Variants in IMMP1L observed in about 807,000 individuals in gnomAD.
The protein encoded by IMMP1L is inner mitochondrial membrane peptidase subunit 1, also known as mitochondrial inner membrane protease subunit 1.
Under a neutral mutation model 21.8 loss-of-function variants are expected in IMMP1L, and 24 were observed. The observed-to-expected ratio is 1.10, with a 90% CI of 0.80 to 1.55. The LOEUF is 1.55. Ranked by LOEUF, IMMP1L falls within the 40% of genes most tolerant of loss-of-function variation. IMMP1L has a pLI of 0.00. For synonymous variants in IMMP1L, 46 were observed against 62.8 expected, an observed-to-expected ratio of 0.73 and a Z score of 1.26; for missense variants, 195 against 200.7, an observed-to-expected ratio of 0.97 and a Z score of 0.17.
At chr11:31,479,831 T>G (rs1467401336) in intron 1 of IMMP1L, among the ~76,000 whole-genome samples, 1 of 152,070 alleles carries the variant, frequency 6.6e-6, no homozygotes, top group Non-Finnish European at 1.5e-5. Flanking sequence ...ATAAAAATAC[T>G]GAAGCAGAGG....
chr11:31,483,865 T>C (rs953662009), intron 1 of IMMP1L, among the ~76,000 whole-genome samples: 1 of 151,910 alleles, frequency 6.6e-6, no homozygotes, highest in Admixed American at 6.6e-5. Context: ...TTCATGATAA[T>C]CTGATAATAA....
intron 4 of IMMP1L, among the ~76,000 whole-genome samples, chr11:31,450,318 T>C (rs1953702537): frequency 1.3e-5 from 2 of 152,162 alleles, no homozygotes; most frequent in African/African-American, 2.4e-5. Flanking sequence ...AAAACCACCA[T>C]AGCATTTCAG....
chr11:31,468,365 A>G (rs1053001367), intron 1 of IMMP1L, among the ~76,000 whole-genome samples: 2 of 152,192 alleles, frequency 1.3e-5, no homozygotes, highest in African/African-American at 4.8e-5. Flanking sequence ...ATAATCATGG[A>G]TACAGAGAGA....
At chr11:31,502,357 G>A (rs1393524039) in intron 1 of IMMP1L, among the ~76,000 whole-genome samples, 1 of 152,094 alleles carries the variant, frequency 6.6e-6, no homozygotes, top group African/African-American at 2.4e-5. Context: ...TGTTTGCTAG[G>A]ATATCCAACT....
intron 1 of IMMP1L, among the ~76,000 whole-genome samples, chr11:31,497,275 A>G (rs1955474477): frequency 6.6e-6 from 1 of 151,932 alleles, no homozygotes; most frequent in African/African-American, 2.4e-5. Flanking sequence ...AAATACATGA[A>G]CTTTGAAAAA....
intron 1 of IMMP1L, chr11:31,477,504 ATTTT>A: frequency 1.0e-6 from 1 of 979,874 alleles, no homozygotes; most frequent in Non-Finnish European, 1.2e-6. Context: ...TGATGACCTG[ATTTT>A]TTGTTGTTGT....
At chr11:31,457,364 G>T (rs933185368) in intron 3 of IMMP1L, among the ~76,000 whole-genome samples, 2 of 152,054 alleles carry the variant, frequency 1.3e-5, no homozygotes, top group Admixed American at 1.3e-4. Context: ...ATAGAACGTA[G>T]GACTAATGAC....
chr11:31,465,447 C>G (rs552139114), intron 1 of IMMP1L, among the ~76,000 whole-genome samples: 220 of 152,026 alleles, frequency 1.4e-3, no homozygotes, highest in African/African-American at 4.8e-3. Flanking sequence ...AATTAGAAAA[C>G]AATCCTAAAA....
chr11:31,506,193 A>T (rs982783501), intron 1 of IMMP1L, among the ~76,000 whole-genome samples: 8 of 152,102 alleles, frequency 5.3e-5, no homozygotes, highest in African/African-American at 1.9e-4. Context: ...GTCCTTCATA[A>T]AGAATTAATT....
At chr11:31,487,710 A>G (rs780338423) in intron 1 of IMMP1L, among the ~76,000 whole-genome samples, 1 of 152,134 alleles carries the variant, frequency 6.6e-6, no homozygotes, top group African/African-American at 2.4e-5. Context: ...TTAACAGTAA[A>G]CTAACTTACA....
intron 5 of IMMP1L, among the ~76,000 whole-genome samples, 181 bp downstream of exon 5, chr11:31,433,279 G>T (rs981558535): frequency 6.6e-6 from 1 of 152,148 alleles, no homozygotes; most frequent in Non-Finnish European, 1.5e-5. Flanking sequence ...ATCTCTATGG[G>T]AGCAGGGGCA....
At chr11:31,454,016 A>G (rs1455752479) in intron 4 of IMMP1L, among the ~76,000 whole-genome samples, 2 of 152,160 alleles carry the variant, frequency 1.3e-5, no homozygotes, top group African/African-American at 4.8e-5. Context: ...TAGATTACCT[A>G]TCAGTAAAAT....
intron 1 of IMMP1L, among the ~76,000 whole-genome samples, chr11:31,470,154 C>A (rs1253428041): frequency 6.6e-6 from 1 of 152,162 alleles, no homozygotes; most frequent in Non-Finnish European, 1.5e-5. Context: ...GTGGCTCATG[C>A]CTGTAATCCA....
At chr11:31,442,033 T>A (rs1470313141) in intron 4 of IMMP1L, among the ~76,000 whole-genome samples, 1 of 152,208 alleles carries the variant, frequency 6.6e-6, no homozygotes, top group Non-Finnish European at 1.5e-5. Context: ...ATGAATGCCA[T>A]AAACTGTTTT....
intron 1 of IMMP1L, among the ~76,000 whole-genome samples, chr11:31,509,259 A>C (rs1335931953): frequency 6.6e-6 from 1 of 152,120 alleles, no homozygotes; most frequent in Non-Finnish European, 1.5e-5. Context: ...TCAGCAACCA[A>C]CTCATTAAGG....
intron 1 of IMMP1L, among the ~76,000 whole-genome samples, chr11:31,491,766 T>A (rs1381564102): frequency 6.6e-6 from 1 of 152,166 alleles, no homozygotes; most frequent in African/African-American, 2.4e-5. Flanking sequence ...TGGGTCCAAA[T>A]CAACCTTTTC....
Position 31,456,278 on chromosome 11 carries a change from G to T in IMMP1L, c.303C>A (p.Phe101Leu). 6.3e-7 allele frequency: 1 copy of T among 1,596,688 alleles called. No homozygotes were observed. The highest frequency in any genetic ancestry group is 8.6e-7 in the Non-Finnish European group (1 of 1,169,060). Reference protein sequence around the residue: ...DKILTTSPSDFFKSHSYVPMG... With the variant: ...DKILTTSPSDLFKSHSYVPMG... The stretch of plus-strand genomic sequence containing the variant: ...TACTTACATAACTATGGCTTTTAAA[G>T]AAATCTGATGGACTAGTGGTGAGGA... Residue 101 changes from phenylalanine to leucine, a missense_variant, in exon 4 of 6, where the codon TTC becomes TTA. Phe to Leu is a conservative substitution (Grantham distance 22). Transcript: ENST00000532287.
intron 4 of IMMP1L, chr11:31,448,859 G>T (rs1953636231): frequency 8.6e-6 from 7 of 818,434 alleles, no homozygotes; most frequent in Non-Finnish European, 1.0e-5. Flanking sequence ...GTTGACATCT[G>T]AACAAAAACA....
At chr11:31,444,364 A>C (rs1350372576) in intron 4 of IMMP1L, among the ~76,000 whole-genome samples, 27 of 152,060 alleles carry the variant, frequency 1.8e-4, no homozygotes, top group Admixed American at 1.8e-3. Flanking sequence ...TGCAAAGTTA[A>C]CTGTGCTTTG....
Sources: allele counts gnomAD v4.1 joint callset (sites outside exome capture counted in the v4.1 genomes callset), GRCh38; gene constraint gnomAD v4.1.1; transcripts MANE v1.5; gene names NCBI Gene and HGNC (gene_info 2026-07-23, HGNC 2026-07-21).